TBC1D9: variants seen among roughly 807,000 people sequenced by gnomAD.
TBC1D9 encodes the protein TBC1 domain family member 9A.
Under a neutral mutation model 132.0 loss-of-function variants are expected in TBC1D9, and 63 were observed. The ratio of observed to expected loss-of-function variants is 0.48; its 90% CI spans 0.39 to 0.59. The LOEUF (loss-of-function observed/expected upper bound fraction) is 0.59. Among genes scored for constraint, TBC1D9 ranks in the 20% least tolerant of loss-of-function variants. TBC1D9 has a pLI of 0.00. For missense variants in TBC1D9, 1,261 were observed against 1,592.7 expected, an observed-to-expected ratio of 0.79 and a Z score of 3.54; for synonymous variants, 610 against 609.9, an observed-to-expected ratio of 1.00 and a Z score of 0.00.
intron 11 of TBC1D9, 25 bp from the exon 12 acceptor site, chr4:140,657,837 G>T (rs770525157): frequency 6.3e-7 from 1 of 1,594,272 alleles, no homozygotes; most frequent in Non-Finnish European, 8.5e-7. Flanking sequence ...TATACAAAAA[G>T]GCGCAGCTTA....
intron 1 of TBC1D9, among the ~76,000 whole-genome samples, chr4:140,709,285 CA>C: frequency 6.7e-6 from 1 of 148,910 alleles, no homozygotes; most frequent in Non-Finnish European, 1.5e-5. Context: ...CACACACACA[CA>C]CACCCCAATT....
chr4:140,688,685 CACA>C (rs1200669579), intron 2 of TBC1D9, among the ~76,000 whole-genome samples: 4 of 151,958 alleles, frequency 2.6e-5, no homozygotes, highest in Admixed American at 6.6e-5. Context: ...GAGACTCCAA[CACA>C]ACAACAACAA....
At position 140,720,667 on chromosome 4, in the gene TBC1D9, T is replaced by C. The variant is rs543714509; in HGVS notation, c.131-19053A>G. Among the ~76,000 whole-genome samples the C allele has an allele frequency of 3.9e-5, 6 of 152,254 alleles. 1 individual carries two copies. The highest frequency in any genetic ancestry group is 1.4e-4 in the African/African-American group (6 of 41,566). On this transcript the variant is annotated intron_variant, in intron 1 of 20. Transcript: ENST00000442267. ...CCAGCATATTACCTGGGTGGTAATA[T>C]TGGCCATCCCAGAGAAGAGGGCAAG...
chr4:140,679,790 C>G lies in TBC1D9; in HGVS notation c.414G>C (p.Thr138=). 1 of 1,613,706 alleles carries G rather than the reference C, an allele frequency of 6.2e-7. No individual in the cohort carries two copies. Residue 138 remains threonine (T), a synonymous_variant, in exon 4 of 21, where the codon ACG becomes ACC. Coordinates refer to ENST00000442267, the MANE Select transcript of TBC1D9 (RefSeq NM_015130.3). ...KINDVKEDDD[T]EKFKEAIVKF... ...TCACAATGGCTTCTTTAAACTTCTC[C>G]GTGTCATCATCTTCCTTTACATCAT...
Position 140,622,248 on chromosome 4 carries a change from C to T in TBC1D9, c.3748G>A (p.Gly1250Ser). ...TCACTGGCCGAGGTGAGGGGCTTGC[C>T]CATCATCCGGATGTTTTTTGCACTG... is the stretch of plus-strand genomic sequence containing the variant. ...ITSAKNIRMM[G>S]KPLTSASDYE... The change falls in exon 21 of 21, where the codon GGC (glycine) becomes AGC (serine). Residue 1250 changes from glycine (G) to serine (S), a missense_variant. Coordinates refer to ENST00000442267, the MANE Select transcript of TBC1D9 (RefSeq NM_015130.3). The T allele has an allele frequency of 1.2e-6, 2 of 1,601,654 alleles. No homozygotes were observed. Among genetic ancestry groups the T allele is most frequent in the Non-Finnish European group, 1.7e-6 (2 of 1,169,568 alleles).
chr4:140,718,192 T>C, intron 1 of TBC1D9, among the ~76,000 whole-genome samples: 1 of 151,482 alleles, frequency 6.6e-6, no homozygotes. Context: ...AAATGAAATA[T>C]GCTTTATTTT....
intron 13 of TBC1D9, chr4:140,642,006 A>T (rs1737006837): frequency 4.8e-6 from 3 of 629,374 alleles, no homozygotes; most frequent in Admixed American, 2.5e-5. Flanking sequence ...AATGCACCTT[A>T]GCCTCTCGAA....
chr4:140,641,092 A>AAAAAAAAAAAAAAAAAAAAAAG (rs1736983077), intron 13 of TBC1D9, among the ~76,000 whole-genome samples: 1 of 100,752 alleles, frequency 9.9e-6, no homozygotes, highest in Non-Finnish European at 2.0e-5. Context: ...ATACTAAGCA[A>AAAAAAAAAAAAAAAAAAAAAAG]AAAAAAAAAA....
At chr4:140,641,410 CTT>C (rs754710993) in intron 13 of TBC1D9, among the ~76,000 whole-genome samples, 2 of 152,208 alleles carry the variant, frequency 1.3e-5, no homozygotes, top group Non-Finnish European at 2.9e-5. Flanking sequence ...ATCACCTCCA[CTT>C]TTTGTTTTAT....
chr4:140,755,653 ACT>A (rs2111090730), intron 1 of TBC1D9, among the ~76,000 whole-genome samples: 1 of 151,890 alleles, frequency 6.6e-6, no homozygotes, highest in East Asian at 2.0e-4. Flanking sequence ...TCCGCCCCAG[ACT>A]CACTCTTTCC....
intron 1 of TBC1D9, among the ~76,000 whole-genome samples, chr4:140,720,904 T>C (rs1030577040): frequency 6.6e-6 from 1 of 152,332 alleles, no homozygotes; most frequent in South Asian, 2.1e-4. Flanking sequence ...CAGCTCTTTG[T>C]GTGTGCGCCC....
intron 1 of TBC1D9, among the ~76,000 whole-genome samples, chr4:140,722,776 A>T (rs990603247): frequency 2.0e-5 from 3 of 152,122 alleles, no homozygotes; most frequent in African/African-American, 7.2e-5. Flanking sequence ...GACTCTCATC[A>T]CTACTTTGTC....
At chr4:140,709,219 A>ATCTCTCTCTCTC (rs145661338) in intron 1 of TBC1D9, among the ~76,000 whole-genome samples, 126 of 88,176 alleles carry the variant, frequency 1.4e-3, no homozygotes, top group Non-Finnish European at 2.2e-3. Flanking sequence ...AACCAGCCTT[A>ATCTCTCTCTCTC]TCTCTCTCTC....
At chr4:140,658,058 T>G (rs560750213) in intron 11 of TBC1D9, among the ~76,000 whole-genome samples, 65 of 152,198 alleles carry the variant, frequency 4.3e-4, no homozygotes, top group Non-Finnish European at 7.8e-4. Context: ...CACATGACAA[T>G]TATAAGGGTT....
chr4:140,643,309 G>T, intron 13 of TBC1D9: 1 of 1,322,020 alleles, frequency 7.6e-7, no homozygotes, highest in Non-Finnish European at 1.1e-6. Context: ...TCCAAGACAA[G>T]GCTCTCGGCA....
At chr4:140,650,253 G>T (rs534021220) in intron 13 of TBC1D9, among the ~76,000 whole-genome samples, 1 of 152,372 alleles carries the variant, frequency 6.6e-6, no homozygotes, top group South Asian at 2.1e-4. Flanking sequence ...AGGCTAGAAA[G>T]TCCATGATGA....
At chr4:140,707,633 A>G (rs1738168754) in intron 1 of TBC1D9, among the ~76,000 whole-genome samples, 1 of 152,190 alleles carries the variant, frequency 6.6e-6, no homozygotes, top group Admixed American at 6.5e-5. Context: ...AAAGTAATTA[A>G]ATGGAAACAT....
chr4:140,641,090 C>CAAA (rs35813378), intron 13 of TBC1D9, among the ~76,000 whole-genome samples: 2,280 of 34,364 alleles, frequency 0.066, 151 homozygotes, highest in African/African-American at 0.086. Flanking sequence ...TAATACTAAG[C>CAAA]AAAAAAAAAA....
chr4:140,641,105 C>CAAA (rs1038335139), intron 13 of TBC1D9, among the ~76,000 whole-genome samples: 1 of 59,780 alleles, frequency 1.7e-5, no homozygotes, highest in African/African-American at 6.1e-5. Context: ...AAAAAAAAAA[C>CAAA]AAAAAAAAAC....
Sources: allele counts gnomAD v4.1 joint callset (sites outside exome capture counted in the v4.1 genomes callset), GRCh38; gene constraint gnomAD v4.1.1; transcripts MANE v1.5; gene names NCBI Gene and HGNC (gene_info 2026-07-23, HGNC 2026-07-21).